The following ZNF106 variants were observed in gnomAD, a reference collection of about 807,000 sequenced individuals.
ZNF106 encodes the protein SH3-domain binding protein 3.
In ZNF106, 67 loss-of-function variants were observed where a neutral mutation model predicts 195.1. That is an observed-to-expected ratio of 0.34 (90% CI 0.28 to 0.42). The LOEUF (loss-of-function observed/expected upper bound fraction) is 0.42, where lower values mean the gene tolerates loss of function less well. Among genes scored for constraint, ZNF106 ranks in the 10% least tolerant of loss-of-function variants. The probability of loss-of-function intolerance (pLI) is 1.00; values close to 1 mark genes in which losing one functional copy is unlikely to be tolerated. For missense variants in ZNF106, 2,118 were observed against 2,304.5 expected, an observed-to-expected ratio of 0.92 and a Z score of 1.66; for synonymous variants, 784 against 818.6, an observed-to-expected ratio of 0.96 and a Z score of 0.72.
chr15:42,490,798 A>G (rs1595507352), intron 1 of ZNF106, among the ~76,000 whole-genome samples, 182 bp downstream of exon 1: 1 of 152,078 alleles, frequency 6.6e-6, no homozygotes, highest in Non-Finnish European at 1.5e-5. Flanking sequence ...AGCCAGCAGC[A>G]CCGCCTGCCC....
chr15:42,484,493 G>A (rs762044505), intron 1 of ZNF106, among the ~76,000 whole-genome samples: 5 of 152,178 alleles, frequency 3.3e-5, no homozygotes, highest in Non-Finnish European at 5.9e-5. Flanking sequence ...TAGGCATGGC[G>A]GCTCACGCCT....
intron 12 of ZNF106, among the ~76,000 whole-genome samples, chr15:42,437,683 G>A (rs766987243): frequency 5.3e-5 from 8 of 152,048 alleles, no homozygotes; most frequent in Non-Finnish European, 1.0e-4. Context: ...AAAATGGACG[G>A]ATCACCTGAG....
Position 42,451,473 on chromosome 15 carries a change from A to T in ZNF106, c.799T>A (p.Phe267Ile), listed in dbSNP as rs1261579375. Residue 267 changes from phenylalanine to isoleucine, a missense_variant, in exon 5 of 22, where the codon TTT (phenylalanine) becomes ATT (isoleucine). Coordinates refer to ENST00000564754, the MANE Select transcript of ZNF106 (RefSeq NM_001366845.3). Reference sequence around the variant, plus strand: ...GAATTTCTGTTTCTGCCTGGTTGAAATTTGTCTCCAGGGCCACTGTAATTC... The same window carrying T: ...GAATTTCTGTTTCTGCCTGGTTGAATTTTGTCTCCAGGGCCACTGTAATTC... ...NWNYSGPGDK[F>I]QPGRNRNSNC... 1 of 1,614,004 alleles carries T rather than the reference A, an allele frequency of 6.2e-7. No homozygotes were observed. Among genetic ancestry groups the T allele is most frequent in the East Asian group, 2.2e-5 (1 of 44,894 alleles).
At chr15:42,444,139 GC>G in intron 9 of ZNF106, 62 bp downstream of exon 9, 2 of 416,214 alleles carry the variant, frequency 4.8e-6, no homozygotes, top group Non-Finnish European at 7.7e-6. Context: ...AAAAAAAAAA[GC>G]AGAGAAAACA....
intron 10 of ZNF106, 143 bp from the exon 11 acceptor site, chr15:42,439,956 TC>T (rs1189222161): frequency 1.2e-6 from 1 of 810,080 alleles, no homozygotes; most frequent in Non-Finnish European, 1.8e-6. Flanking sequence ...CAGTTTCCCA[TC>T]ACCTACATAC....
Position 42,414,314 on chromosome 15 carries a change from A to G in ZNF106, c.*2990T>C, listed in dbSNP as rs1220623371. 6.6e-6 allele frequency: 1 copy of G among 152,258 alleles called. No individual in the cohort carries two copies. The highest frequency in any genetic ancestry group is 1.5e-5 in the Non-Finnish European group (1 of 68,048). The allele number at this position is 152,258 out of a possible 1,614,324, so 9.4% of individuals were successfully genotyped here. ...TTGTAAGTAGTAACACACAGCCATA[A>G]GCAGCCAAAATGCTTATGGTCCCTT... On this transcript the variant is annotated 3_prime_UTR_variant, in exon 22 of 22. Transcript: ENST00000564754.
intron 1 of ZNF106, among the ~76,000 whole-genome samples, chr15:42,485,801 T>A (rs1228384580): frequency 6.6e-6 from 1 of 152,202 alleles, no homozygotes; most frequent in African/African-American, 2.4e-5. Context: ...CACCCACCTG[T>A]CATATTTGTT....
At chr15:42,486,783 A>C (rs1340811032) in intron 1 of ZNF106, among the ~76,000 whole-genome samples, 2 of 149,620 alleles carry the variant, frequency 1.3e-5, no homozygotes, top group East Asian at 3.9e-4. Flanking sequence ...TTAAGTGAGG[A>C]CTTGTTATAT....
chr15:42,415,633 C>T lies in ZNF106; in HGVS notation c.*1671G>A. On this transcript the variant is annotated 3_prime_UTR_variant, in exon 22 of 22. Coordinates refer to ENST00000564754, the MANE Select transcript of ZNF106 (RefSeq NM_001366845.3). ...ATATGTGCACTAACAGGGGCGAAGACAGACCTGGATGGTCTGCAATCCCAG... is the reference window on the plus strand; with the variant it reads ...ATATGTGCACTAACAGGGGCGAAGATAGACCTGGATGGTCTGCAATCCCAG... The T allele has an allele frequency of 3.0e-6, 1 of 334,192 alleles. No homozygotes were observed. Among genetic ancestry groups the T allele is most frequent in the South Asian group, 2.4e-5 (1 of 41,414 alleles). 20.7% of individuals were successfully genotyped at this position (334,192 alleles called of 1,614,324 possible).
At chr15:42,468,596 A>C (rs2056587684) in intron 2 of ZNF106, among the ~76,000 whole-genome samples, 1 of 150,398 alleles carries the variant, frequency 6.6e-6, no homozygotes, top group Non-Finnish European at 1.5e-5. Context: ...TACAAAAATT[A>C]GCCAGGCATG....
At position 42,450,908 on chromosome 15, in the gene ZNF106, C is replaced by T; in HGVS notation, c.1364G>A (p.Cys455Tyr). ...SAASFEVVRQ[C>Y]PTAEKPEQEH... ...TTGTTCAGGTTTTTCTGCAGTGGGG[C>T]ACTGTCTCACCACCTCGAAGGAAGC... Residue 455 changes from cysteine to tyrosine, a missense_variant, in exon 5 of 22, where the codon TGC (cysteine) becomes TAC (tyrosine). By Grantham distance (194) the Cys-to-Tyr change is radical (BLOSUM62 -2). Coordinates refer to ENST00000564754, the MANE Select transcript of ZNF106 (RefSeq NM_001366845.3). 1 of 1,614,116 alleles carries T rather than the reference C, an allele frequency of 6.2e-7. No homozygotes were observed. The highest frequency in any genetic ancestry group is 8.5e-7 in the Non-Finnish European group (1 of 1,180,026).
chr15:42,415,180 A>C lies in ZNF106; in HGVS notation c.*2124T>G, dbSNP rs1483906656. ...CTTGTCGCCCAGGCTGGAGTGCAGT[A>C]GTATGATCTTGGCTCACTGCAACTT... On this transcript the variant is annotated 3_prime_UTR_variant, in exon 22 of 22. Transcript: ENST00000564754. 1.0e-5 allele frequency: 2 copies of C among 194,410 alleles called. No homozygotes were observed. The highest frequency in any genetic ancestry group is 2.5e-5 in the African/African-American group (1 of 40,518). 12.0% of individuals were successfully genotyped at this position (194,410 alleles called of 1,614,324 possible).
chr15:42,489,918 A>G (rs1210444461), intron 1 of ZNF106, among the ~76,000 whole-genome samples: 1 of 152,150 alleles, frequency 6.6e-6, no homozygotes, highest in Admixed American at 6.6e-5. Context: ...GCACGCCTGC[A>G]ATCCCAGCTA....
intron 17 of ZNF106, among the ~76,000 whole-genome samples, chr15:42,423,306 G>A (rs574511762): frequency 4.3e-4 from 65 of 151,956 alleles, no homozygotes; most frequent in Middle Eastern, 3.4e-3. Flanking sequence ...GGAGGTTGAG[G>A]CTGCAGTGAG....
chr15:42,478,641 G>A (rs1007133296), intron 1 of ZNF106, among the ~76,000 whole-genome samples: 55 of 148,328 alleles, frequency 3.7e-4, no homozygotes, highest in East Asian at 1.2e-3. Context: ...TCAGCCTCCC[G>A]AGTAGCTTTA....
chr15:42,431,141 T>C (rs1313246546), intron 14 of ZNF106, among the ~76,000 whole-genome samples: 1 of 152,152 alleles, frequency 6.6e-6, no homozygotes, highest in East Asian at 1.9e-4. Flanking sequence ...CTTATTTTCA[T>C]CTCCCTATAT....
intron 3 of ZNF106, 167 bp from the exon 4 acceptor site, chr15:42,457,325 T>C: frequency 6.8e-7 from 1 of 1,476,814 alleles, no homozygotes; most frequent in South Asian, 1.5e-5. Flanking sequence ...AGTTTGTTTA[T>C]AAGTTACTTT....
chr15:42,424,761 T>G, intron 16 of ZNF106, 73 bp downstream of exon 16: 13 of 1,484,864 alleles, frequency 8.8e-6, no homozygotes, highest in African/African-American at 1.4e-5. Flanking sequence ...ACTACAGACG[T>G]GAGCCACCTC....
rs61748622 is a variant in ZNF106 at position 42,439,755 on chromosome 15, T to C, written c.3822A>G (p.Pro1274=). The part of the protein sequence containing the change: ...YPVITARLSL[P]ESTESFHEPS... ...GCTCATGGAAACTTTCTGTTGACTC[T>C]GGTAAGGACAATCTAGCAGTGATGA... The change falls in exon 11 of 22, where the codon CCA becomes CCG. Residue 1274 remains proline, a synonymous_variant. Coordinates refer to ENST00000564754, the MANE Select transcript of ZNF106 (RefSeq NM_001366845.3). 3.8e-3 allele frequency: 6,113 copies of C among 1,609,324 alleles called. 216 individuals carry two copies. The African/African-American group carries it at 0.072, about 19-fold the overall frequency.
Sources: gnomAD v4.1 joint callset for allele counts (sites outside exome capture counted in the v4.1 genomes callset) on GRCh38, gnomAD v4.1.1 for gene constraint, MANE v1.5 for transcripts, NCBI Gene and HGNC (gene_info 2026-07-23, HGNC 2026-07-21) for gene names.